ZC2HC1B: variants seen among roughly 807,000 people sequenced by gnomAD.
The protein encoded by ZC2HC1B is zinc finger C2HC-type containing 1B.
A neutral mutation model predicts 31.0 loss-of-function variants in ZC2HC1B; 36 were observed. The ratio of observed to expected loss-of-function variants is 1.16; its 90% CI spans 0.89 to 1.54. ZC2HC1B has a LOEUF of 1.54. Ranked by LOEUF, ZC2HC1B falls within the 40% of genes most tolerant of loss-of-function variation. ZC2HC1B has a pLI of 0.00. For missense variants in ZC2HC1B, 260 were observed against 268.6 expected (o/e 0.97, Z 0.22); for synonymous variants, 73 against 88.0 (o/e 0.83, Z 0.95).
intron 1 of ZC2HC1B, among the ~76,000 whole-genome samples, 165 bp downstream of exon 1, chr6:143,864,732 A>T (rs992798125): frequency 6.6e-6 from 1 of 152,266 alleles, no homozygotes; most frequent in Non-Finnish European, 1.5e-5. Flanking sequence ...TGATGGCATT[A>T]GGTATTCTAC....
chr6:143,937,547 A>T, intron 6 of ZC2HC1B, 102 bp from the exon 7 acceptor site: 1 of 980,750 alleles, frequency 1.0e-6, no homozygotes, highest in Non-Finnish European at 1.4e-6. Context: ...AAAAAGGAAG[A>T]ATAGAAACTT....
rs75304182 is a variant in ZC2HC1B at position 143,905,166 on chromosome 6, A to C, written c.598+2014A>C. Among the ~76,000 whole-genome samples the C allele has an allele frequency of 6.6e-6, 1 of 152,254 alleles. No homozygotes were observed. The highest frequency in any genetic ancestry group is 1.5e-5 in the Non-Finnish European group (1 of 68,042). ...GCAGATTGCTTTGGTTAGTATGGAC[A>C]TCTTAACAATAGTAAGTTTTCAAAT... On this transcript the variant is annotated intron_variant, in intron 6 of 7. Coordinates refer to ENST00000237275, the MANE Select transcript of ZC2HC1B (RefSeq NM_001013623.3). The surrounding 1 kb of genome is among the most constrained non-coding windows in gnomAD (Gnocchi z 4.2).
rs1404564710 is a variant in ZC2HC1B at position 143,886,981 on chromosome 6, A to G, written c.349+160A>G. Among the ~76,000 whole-genome samples, 1 of 152,200 alleles carries G rather than the reference A, an allele frequency of 6.6e-6. No individual in the cohort carries two copies. Among genetic ancestry groups the G allele is most frequent in the African/African-American group, 2.4e-5 (1 of 41,458 alleles). ...CTATTTTTTTCAATTCTGCATAAAG[A>G]TTCTGTGTTTCCTTCTAACTCTGTC... On this transcript the variant is annotated intron_variant, in intron 4 of 7. Transcript: ENST00000237275. The surrounding 1 kb of genome is among the most constrained non-coding windows in gnomAD (Gnocchi z 4.2).
At chr6:143,937,950 C>G (rs1562351541) in intron 7 of ZC2HC1B, among the ~76,000 whole-genome samples, 192 bp from the exon 8 acceptor site, 1 of 152,156 alleles carries the variant, frequency 6.6e-6, no homozygotes, top group Admixed American at 6.5e-5. Flanking sequence ...GGGGAATGAT[C>G]CCTCACTTTT....
chr6:143,896,615 T>C (rs1777668622), intron 4 of ZC2HC1B, among the ~76,000 whole-genome samples: 1 of 152,206 alleles, frequency 6.6e-6, no homozygotes, highest in Admixed American at 6.5e-5. Flanking sequence ...AAACATTTAG[T>C]ATGTTCCACC....
chr6:143,935,616 A>G (rs575739258), intron 6 of ZC2HC1B, among the ~76,000 whole-genome samples: 1 of 148,124 alleles, frequency 6.8e-6, no homozygotes, highest in African/African-American at 2.5e-5. Flanking sequence ...TCAGATTGAC[A>G]ATCAGTAGTT....
rs183542625 is a variant in ZC2HC1B at position 143,908,347 on chromosome 6, A to T, written c.598+5195A>T. The stretch of plus-strand genomic sequence containing the variant: ...GGTAGTTTAATGGAAATTGCATTGA[A>T]TCTGTAAATTGCTTTGAGCAGTATG... On this transcript the variant is annotated intron_variant, in intron 6 of 7. Transcript: ENST00000237275. This position sits in a 1 kb window ranked among gnomAD's most constrained non-coding sequence, Gnocchi z 4.4. 2.3e-3 allele frequency among the ~76,000 whole-genome samples: 348 copies of T among 152,318 alleles called. No homozygotes were observed. The highest frequency in any genetic ancestry group is 8.0e-3 in the African/African-American group (334 of 41,572).
At chr6:143,881,953 T>G in intron 1 of ZC2HC1B, among the ~76,000 whole-genome samples, 1 of 152,162 alleles carries the variant, frequency 6.6e-6, no homozygotes, top group Non-Finnish European at 1.5e-5. Flanking sequence ...CTCTAGGGAC[T>G]TCTAGTTGTT....
chr6:143,876,588 G>C (rs1337187545), intron 1 of ZC2HC1B, among the ~76,000 whole-genome samples: 2 of 150,170 alleles, frequency 1.3e-5, no homozygotes, highest in Non-Finnish European at 3.0e-5. Flanking sequence ...TATTAGTCAG[G>C]GTTCTCTAGA....
intron 1 of ZC2HC1B, among the ~76,000 whole-genome samples, chr6:143,882,334 T>TATATATATATATATATATATATATATATA (rs1554237238): frequency 1.2e-5 from 1 of 85,530 alleles, no homozygotes; most frequent in Non-Finnish European, 2.0e-5. Flanking sequence ...TTTATATTTT[T>TATATATATATATATATATATATATATATA]TATATATATA....
At chr6:143,916,815 A>C (rs1422663188) in intron 6 of ZC2HC1B, among the ~76,000 whole-genome samples, 1 of 152,218 alleles carries the variant, frequency 6.6e-6, no homozygotes, top group South Asian at 2.1e-4. Context: ...CATTGTATCT[A>C]GGAAGTAACT....
rs1185009994 is a variant in ZC2HC1B, at chr6:143,924,343, T to C, written c.599-13306T>C. 6.6e-6 allele frequency among the ~76,000 whole-genome samples: 1 copy of C among 151,266 alleles called. No individual in the cohort carries two copies. Among genetic ancestry groups the C allele is most frequent in the East Asian group, 1.9e-4 (1 of 5,176 alleles). On this transcript the variant is annotated intron_variant, in intron 6 of 7. Transcript: ENST00000237275. This position sits in a 1 kb window ranked among gnomAD's most constrained non-coding sequence, Gnocchi z 5.2. The stretch of plus-strand genomic sequence containing the variant: ...CTAGGAGTGTTTTTGGTGGAGTCTT[T>C]AGGTTTTATATATATATATATGTAT...
Position 143,886,954 on chromosome 6 carries a change from T to A in ZC2HC1B, c.349+133T>A. 1.0e-6 allele frequency: 1 copy of A among 995,758 alleles called. No homozygotes were observed. The highest frequency in any genetic ancestry group is 2.7e-5 in the South Asian group (1 of 37,262). 61.7% of individuals were successfully genotyped at this position (995,758 alleles called of 1,614,324 possible). ...TTTATTAATTATATAAAAGTAAACATCCTATTTTTTTCAATTCTGCATAAA... is the reference window on the plus strand; with the variant it reads ...TTTATTAATTATATAAAAGTAAACAACCTATTTTTTTCAATTCTGCATAAA... On this transcript the variant is annotated intron_variant, in intron 4 of 7. Coordinates refer to ENST00000237275, the MANE Select transcript of ZC2HC1B (RefSeq NM_001013623.3). This position sits in a 1 kb window ranked among gnomAD's most constrained non-coding sequence, Gnocchi z 4.2.
Position 143,872,624 on chromosome 6 carries a change from A to G in ZC2HC1B, c.28+8057A>G, listed in dbSNP as rs542577856. 2.6e-5 allele frequency among the ~76,000 whole-genome samples: 4 copies of G among 152,326 alleles called. No individual in the cohort carries two copies. The highest frequency in any genetic ancestry group is 9.6e-5 in the African/African-American group (4 of 41,588). On this transcript the variant is annotated intron_variant, in intron 1 of 7. Coordinates refer to ENST00000237275, the MANE Select transcript of ZC2HC1B (RefSeq NM_001013623.3). This position sits in a 1 kb window ranked among gnomAD's most constrained non-coding sequence, Gnocchi z 5.5. ...TGGGAAGAAAAAGAGGTTTAATCAG[A>G]CTTACAGTTCCACATGGCTGGGGAG...
chr6:143,934,380 G>C lies in ZC2HC1B; in HGVS notation c.599-3269G>C, dbSNP rs919418554. On this transcript the variant is annotated intron_variant, in intron 6 of 7. Coordinates refer to ENST00000237275, the MANE Select transcript of ZC2HC1B (RefSeq NM_001013623.3). This position sits in a 1 kb window ranked among gnomAD's most constrained non-coding sequence, Gnocchi z 4.6. The stretch of plus-strand genomic sequence containing the variant: ...TACTTATCAGCCCTGTCCCCTATCT[G>C]CCATCTTCCCTCTCTTTCAATATGC... Among the ~76,000 whole-genome samples, 2 of 152,112 alleles carry C rather than the reference G, an allele frequency of 1.3e-5. No homozygotes were observed. The highest frequency in any genetic ancestry group is 4.8e-5 in the African/African-American group (2 of 41,428).
intron 6 of ZC2HC1B, among the ~76,000 whole-genome samples, chr6:143,906,826 C>T (rs1777800143): frequency 6.6e-6 from 1 of 151,328 alleles, no homozygotes; most frequent in Non-Finnish European, 1.5e-5. Context: ...GCAGGATGTG[C>T]AGGTTTATTA....
rs573888567 is a variant in ZC2HC1B at position 143,890,191 on chromosome 6, A to G, written c.349+3370A>G. ...TTTTATAGCTTTAAATGTTTATAAT[A>G]GAAAAGAGAAAAGTTTTAGTTCAAT... On this transcript the variant is annotated intron_variant, in intron 4 of 7. Coordinates refer to ENST00000237275, the MANE Select transcript of ZC2HC1B (RefSeq NM_001013623.3). 3.3e-5 allele frequency among the ~76,000 whole-genome samples: 5 copies of G among 152,258 alleles called. No individual in the cohort carries two copies. In the East Asian group the frequency reaches 7.7e-4, roughly 23 times the overall value.
intron 6 of ZC2HC1B, among the ~76,000 whole-genome samples, chr6:143,930,450 G>C (rs187289014): frequency 0.035 from 5,066 of 143,004 alleles, 99 homozygotes; most frequent in Non-Finnish European, 0.055. Flanking sequence ...GCATTGGTGC[G>C]ATCTCAGCTC....
Position 143,872,046 on chromosome 6 carries a change from G to T in ZC2HC1B, c.28+7479G>T, listed in dbSNP as rs188248083. 6.6e-6 allele frequency among the ~76,000 whole-genome samples: 1 copy of T among 152,166 alleles called. No individual in the cohort carries two copies. The highest frequency in any genetic ancestry group is 1.5e-5 in the Non-Finnish European group (1 of 68,018). On this transcript the variant is annotated intron_variant, in intron 1 of 7. Transcript: ENST00000237275. This position sits in a 1 kb window ranked among gnomAD's most constrained non-coding sequence, Gnocchi z 5.5. ...TCAGAGCCAGTGTCCAGTAGTTTCCGAAATGTCTGATCATTTCCTTTTTCC... is the reference window on the plus strand; with the variant it reads ...TCAGAGCCAGTGTCCAGTAGTTTCCTAAATGTCTGATCATTTCCTTTTTCC...
Sources: allele counts gnomAD v4.1 joint callset (sites outside exome capture counted in the v4.1 genomes callset), GRCh38; gene constraint gnomAD v4.1.1; non-coding constraint Gnocchi (gnomAD v3.1); transcripts MANE v1.5; gene names NCBI Gene and HGNC (gene_info 2026-07-23, HGNC 2026-07-21).